The following MOB3B variants were observed in gnomAD, a reference collection of about 807,000 sequenced individuals.
MOB3B encodes MOB kinase activator-like 2B.
A neutral mutation model predicts 18.7 loss-of-function variants in MOB3B; 7 were observed. The ratio of observed to expected loss-of-function variants is 0.37; its 90% CI spans 0.21 to 0.70. MOB3B has a LOEUF of 0.70. Ranked by LOEUF, MOB3B falls within the 30% of genes least tolerant of loss-of-function variation. The pLI, the probability that MOB3B is intolerant of heterozygous loss-of-function variation, is 0.52. For synonymous variants in MOB3B, 111 were observed against 99.9 expected, an observed-to-expected ratio of 1.11 and a Z score of -0.66; for missense variants, 253 against 281.3, an observed-to-expected ratio of 0.90 and a Z score of 0.72.
At chr9:27,471,887 A>G (rs747623792) in intron 1 of MOB3B, among the ~76,000 whole-genome samples, 1 of 152,172 alleles carries the variant, frequency 6.6e-6, no homozygotes, top group Non-Finnish European at 1.5e-5. Context: ...GATTGTGGTG[A>G]TCAACTAAGA....
intron 2 of MOB3B, among the ~76,000 whole-genome samples, chr9:27,427,724 T>C (rs1314028177): frequency 6.6e-6 from 1 of 152,246 alleles, no homozygotes; most frequent in African/African-American, 2.4e-5. Context: ...GTTTCAATAC[T>C]GAATGGGAAA....
chr9:27,370,108 G>A (rs929710019), intron 2 of MOB3B, among the ~76,000 whole-genome samples: 3 of 152,114 alleles, frequency 2.0e-5, no homozygotes, highest in East Asian at 3.9e-4. Flanking sequence ...TCAAATGCAC[G>A]TGTTGAAATC....
intron 3 of MOB3B, among the ~76,000 whole-genome samples, chr9:27,344,536 TCC>T (rs1821002780): frequency 6.6e-6 from 1 of 152,212 alleles, no homozygotes; most frequent in Non-Finnish European, 1.5e-5. Context: ...CTATGAAGAT[TCC>T]TCTGCAGTAT....
chr9:27,487,373 G>C (rs1002366957), intron 1 of MOB3B, among the ~76,000 whole-genome samples: 2 of 151,890 alleles, frequency 1.3e-5, no homozygotes, highest in African/African-American at 4.8e-5. Flanking sequence ...AGGGTAATAA[G>C]CTTTATTACC....
chr9:27,388,915 C>G (rs1303658277), intron 2 of MOB3B, among the ~76,000 whole-genome samples: 1 of 152,288 alleles, frequency 6.6e-6, no homozygotes, highest in Non-Finnish European at 1.5e-5. Context: ...TTCCTCTTCC[C>G]TCTACTGCCA....
intron 1 of MOB3B, among the ~76,000 whole-genome samples, chr9:27,481,849 G>C (rs929341206): frequency 6.6e-6 from 1 of 152,066 alleles, no homozygotes; most frequent in African/African-American, 2.4e-5. Flanking sequence ...CTTACAGATC[G>C]TTGCCATGTG....
intron 3 of MOB3B, among the ~76,000 whole-genome samples, chr9:27,344,193 C>T (rs990224985): frequency 1.3e-5 from 2 of 151,690 alleles, no homozygotes. Context: ...ATTAGTGAAA[C>T]GAAACAAAAA....
chr9:27,515,426 C>T (rs1820217006), intron 1 of MOB3B, among the ~76,000 whole-genome samples: 1 of 152,270 alleles, frequency 6.6e-6, no homozygotes, highest in African/African-American at 2.4e-5. Context: ...AGCTCTGTGA[C>T]GTTGGTTAAG....
intron 2 of MOB3B, among the ~76,000 whole-genome samples, chr9:27,425,310 G>A (rs954564168): frequency 2.0e-5 from 3 of 151,658 alleles, no homozygotes; most frequent in African/African-American, 7.3e-5. Context: ...AGGAGGCGGA[G>A]GTTGCGGTGA....
At position 27,511,851 on chromosome 9, in the gene MOB3B, T is replaced by C. The variant is rs532511210; in HGVS notation, c.-199+17704A>G. 3.3e-5 allele frequency among the ~76,000 whole-genome samples: 5 copies of C among 152,284 alleles called. No individual in the cohort carries two copies. The South Asian group carries it at 8.3e-4, about 25-fold the overall frequency. ...GTCTCAATGCATTTTGATTGCTAGA[T>C]TGTTTTTCTAAATAGATCAGAGATG... is the stretch of plus-strand genomic sequence containing the variant. On this transcript the variant is annotated intron_variant, in intron 1 of 3. Transcript: ENST00000262244.
chr9:27,438,693 G>T (rs1264149900), intron 2 of MOB3B, among the ~76,000 whole-genome samples: 4 of 152,184 alleles, frequency 2.6e-5, no homozygotes, highest in Non-Finnish European at 5.9e-5. Flanking sequence ...GGAGCTGCAA[G>T]AGATGAAACG....
At chr9:27,431,809 A>C (rs980160010) in intron 2 of MOB3B, among the ~76,000 whole-genome samples, 2 of 152,194 alleles carry the variant, frequency 1.3e-5, no homozygotes, top group Non-Finnish European at 2.9e-5. Context: ...GACTTAAGTA[A>C]ATTTATTTGT....
At chr9:27,464,040 G>C (rs1356877675) in intron 1 of MOB3B, among the ~76,000 whole-genome samples, 1 of 152,184 alleles carries the variant, frequency 6.6e-6, no homozygotes, top group Non-Finnish European at 1.5e-5. Context: ...AAAATTAGAA[G>C]AGATATTGCC....
At chr9:27,513,369 C>T (rs1820174846) in intron 1 of MOB3B, among the ~76,000 whole-genome samples, 1 of 152,150 alleles carries the variant, frequency 6.6e-6, no homozygotes, top group Non-Finnish European at 1.5e-5. Context: ...AGCCCCTTCT[C>T]CAAACTGTAC....
Position 27,459,047 on chromosome 9 carries a change from A to G in MOB3B, c.-198-3299T>C, listed in dbSNP as rs987273957. Among the ~76,000 whole-genome samples, 73 of 149,346 alleles carry G rather than the reference A, an allele frequency of 4.9e-4. 1 individual carries two copies. Among genetic ancestry groups the G allele is most frequent in the African/African-American group, 1.8e-3 (72 of 40,502 alleles). On this transcript the variant is annotated intron_variant, in intron 1 of 3. Transcript: ENST00000262244. ...TGTTTAAAGACAATGGCAATCCAGGATGGATAATAACAGATGTATCATGCC... is the reference window on the plus strand; with the variant it reads ...TGTTTAAAGACAATGGCAATCCAGGGTGGATAATAACAGATGTATCATGCC...
chr9:27,496,774 G>A (rs185858110), intron 1 of MOB3B, among the ~76,000 whole-genome samples: 1 of 152,130 alleles, frequency 6.6e-6, no homozygotes, highest in Non-Finnish European at 1.5e-5. Flanking sequence ...CTTTAAAATT[G>A]TTCATTAATT....
At chr9:27,494,929 G>A (rs764425989) in intron 1 of MOB3B, among the ~76,000 whole-genome samples, 1 of 152,152 alleles carries the variant, frequency 6.6e-6, no homozygotes, top group Non-Finnish European at 1.5e-5. Flanking sequence ...GATTCAACAG[G>A]TCTGGTTCAG....
chr9:27,503,178 A>G (rs987405430), intron 1 of MOB3B, among the ~76,000 whole-genome samples: 7 of 152,168 alleles, frequency 4.6e-5, no homozygotes, highest in Non-Finnish European at 8.8e-5. Flanking sequence ...GAGGTCTAAG[A>G]ACCAGAAGAA....
At chr9:27,526,511 G>A (rs961690101) in intron 1 of MOB3B, 6 of 152,184 alleles carry the variant, frequency 3.9e-5, no homozygotes, top group African/African-American at 1.4e-4. Context: ...TTACTGGAAT[G>A]AGGTCAATTA....
Sources: allele counts gnomAD v4.1 joint callset (sites outside exome capture counted in the v4.1 genomes callset), GRCh38; gene constraint gnomAD v4.1.1; transcripts MANE v1.5; gene names NCBI Gene and HGNC (gene_info 2026-07-23, HGNC 2026-07-21).